Variants in OSBPL5 observed in about 807,000 individuals in gnomAD.
OSBPL5 encodes oxysterol-binding protein-related protein 5.
In OSBPL5, 71 loss-of-function variants were observed where a neutral mutation model predicts 111.2. The ratio of observed to expected loss-of-function variants is 0.64; its 90% CI spans 0.53 to 0.78. The LOEUF (loss-of-function observed/expected upper bound fraction) is 0.78. OSBPL5 is among the 30% of genes least tolerant of loss of function. OSBPL5 has a pLI of 0.00. For synonymous variants in OSBPL5, 549 were observed against 513.9 expected (o/e 1.07, Z -0.93); for missense variants, 1,210 against 1,189.3 (o/e 1.02, Z -0.26).
At position 3,107,849 on chromosome 11, in the gene OSBPL5, G is replaced by A. The variant is rs746282367; in HGVS notation, c.788C>T (p.Thr263Ile). ...CGATGAGGGTGATGCGTCTGGCGAG[G>A]TCCCTGGCTCCCCGTCTCGGCCCGG... is the stretch of plus-strand genomic sequence containing the variant. ...CKPGRDGEPG[T>I]SPDASPSSLC... is the part of the protein sequence containing the mutation. The change falls in exon 8 of 22, where the codon ACC (threonine) becomes ATC (isoleucine). Residue 263 changes from threonine to isoleucine, a missense_variant. Thr to Ile is a moderately conservative substitution (Grantham distance 89). Coordinates refer to ENST00000263650, the MANE Select transcript of OSBPL5 (RefSeq NM_020896.4). This position sits in a 1 kb window ranked among gnomAD's most constrained non-coding sequence, Gnocchi z 6.1. The A allele has an allele frequency of 1.9e-6, 3 of 1,611,162 alleles. No individual in the cohort carries two copies. In the African/African-American group the frequency reaches 4.0e-5, roughly 22 times the overall value.
chr11:3,088,239 G>C lies in OSBPL5; in HGVS notation c.2606C>G (p.Ala869Gly). ...RSWFLLCVFL[A>G]CQLFINHILK ...GATGTGGTTAATGAACAGCTGACACGCCAGGAACACGCAGAGCAGGAACCA... is the reference window on the plus strand; with the variant it reads ...GATGTGGTTAATGAACAGCTGACACCCCAGGAACACGCAGAGCAGGAACCA... The change falls in exon 22 of 22, where the codon GCG (alanine) becomes GGG (glycine). Residue 869 changes from alanine (A) to glycine (G), a missense_variant. Transcript: ENST00000263650. 1 of 1,604,670 alleles carries C rather than the reference G, an allele frequency of 6.2e-7. No homozygotes were observed. The highest frequency in any genetic ancestry group is 8.5e-7 in the Non-Finnish European group (1 of 1,175,420).
chr11:3,093,411 C>T (rs1282252234), intron 17 of OSBPL5, 116 bp downstream of exon 17: 5 of 1,467,316 alleles, frequency 3.4e-6, no homozygotes, highest in Non-Finnish European at 2.7e-6. Context: ...CCAGGCCTGC[C>T]CTCCCTGCCA....
At chr11:3,163,097 C>T (rs1042915565) in intron 1 of OSBPL5, among the ~76,000 whole-genome samples, 1 of 152,228 alleles carries the variant, frequency 6.6e-6, no homozygotes, top group Non-Finnish European at 1.5e-5. Context: ...CCCTCTACAA[C>T]CCCCTGTCCC....
At position 3,142,493 on chromosome 11, in the gene OSBPL5, T is replaced by A. The variant is rs1246349078; in HGVS notation, c.-21-13324A>T. 6.6e-6 allele frequency among the ~76,000 whole-genome samples: 1 copy of A among 152,034 alleles called. No individual in the cohort carries two copies. Among genetic ancestry groups the A allele is most frequent in the Non-Finnish European group, 1.5e-5 (1 of 67,998 alleles). The stretch of plus-strand genomic sequence containing the variant: ...ACTCGCTGCTCCGTGTCCCAGGAGG[T>A]CAGATTTCACCCGGATGCTTAGCTC... On this transcript the variant is annotated intron_variant, in intron 1 of 21. Coordinates refer to ENST00000263650, the MANE Select transcript of OSBPL5 (RefSeq NM_020896.4). The surrounding 1 kb of genome is among the most constrained non-coding windows in gnomAD (Gnocchi z 7.1).
chr11:3,152,885 C>T (rs1384096976), intron 1 of OSBPL5, among the ~76,000 whole-genome samples: 7 of 152,278 alleles, frequency 4.6e-5, no homozygotes, highest in Middle Eastern at 3.4e-3. Context: ...ATTCATGCCT[C>T]GCTGGTACTT....
intron 7 of OSBPL5, 24 bp downstream of exon 7, chr11:3,119,523 A>G: frequency 1.3e-6 from 2 of 1,560,446 alleles, no homozygotes; most frequent in South Asian, 2.4e-5. Flanking sequence ...CACTGGGGAG[A>G]TGCGCAAGCT....
intron 1 of OSBPL5, among the ~76,000 whole-genome samples, chr11:3,153,092 G>C (rs978078708): frequency 6.6e-6 from 1 of 152,058 alleles, no homozygotes; most frequent in African/African-American, 2.4e-5. Flanking sequence ...GGCGCCAGGG[G>C]GTCCCGGCTA....
intron 7 of OSBPL5, among the ~76,000 whole-genome samples, chr11:3,118,942 G>A (rs567996279): frequency 1.3e-5 from 2 of 151,966 alleles, no homozygotes; most frequent in South Asian, 4.2e-4. Flanking sequence ...TGTGGTTGGA[G>A]CTCAGTAATT....
chr11:3,150,611 A>T (rs547411335), intron 1 of OSBPL5, among the ~76,000 whole-genome samples: 137 of 152,134 alleles, frequency 9.0e-4, no homozygotes, highest in Admixed American at 1.8e-3. Context: ...GTGAGAGCTC[A>T]CTGGAGAAAC....
At chr11:3,120,315 C>T in intron 6 of OSBPL5, 106 bp downstream of exon 6, 2 of 1,416,350 alleles carry the variant, frequency 1.4e-6, no homozygotes, top group Non-Finnish European at 1.9e-6. Context: ...GCTCAAGGCC[C>T]CAAGGGGGCC....
At chr11:3,094,155 G>T (rs1485271397) in intron 15 of OSBPL5, 82 bp downstream of exon 15, 12 of 1,355,688 alleles carry the variant, frequency 8.9e-6, no homozygotes, top group Non-Finnish European at 1.2e-5. Context: ...CCTTCCTTGG[G>T]GCCTGGGGAG....
chr11:3,129,018 C>T lies in OSBPL5; in HGVS notation c.131G>A (p.Ser44Asn), dbSNP rs1246056355. The change falls in exon 2 of 22, where the codon AGC becomes AAC. Residue 44 changes from serine to asparagine, a missense_variant. Transcript: ENST00000263650. ...LSGDNELYPL[S>N]PGKDMEPNGP... ...TGCCCACGGCCGGCACTTACCTGGG[C>T]TGAGTGGGTAGAGCTCATTGTCTCC... The T allele has an allele frequency of 1.9e-6, 3 of 1,576,374 alleles. No homozygotes were observed. The highest frequency in any genetic ancestry group is 1.8e-5 in the Admixed American group (1 of 54,962).
rs1401145846 is a variant in OSBPL5 at position 3,092,574 on chromosome 11, G to T, written c.2133-16C>A. 8 of 1,574,580 alleles carry T rather than the reference G, an allele frequency of 5.1e-6. No homozygotes were observed. Among genetic ancestry groups the T allele is most frequent in the Non-Finnish European group, 6.9e-6 (8 of 1,158,544 alleles). ...GGGGCTGTGGCTGGAGGGTCCAGAG[G>T]GCGTTCATCAGCACAGGCAGTGGCC... On this transcript the variant is annotated splice_polypyrimidine_tract_variant and intron_variant, in intron 18 of 21. Coordinates refer to ENST00000263650, the MANE Select transcript of OSBPL5 (RefSeq NM_020896.4). This position sits in a 1 kb window ranked among gnomAD's most constrained non-coding sequence, Gnocchi z 5.4.
At chr11:3,118,058 G>A (rs1051364849) in intron 7 of OSBPL5, among the ~76,000 whole-genome samples, 1 of 152,350 alleles carries the variant, frequency 6.6e-6, no homozygotes. Flanking sequence ...GGACCTACCT[G>A]TGTAGGAATA....
intron 1 of OSBPL5, among the ~76,000 whole-genome samples, chr11:3,136,356 GCCT>G (rs1845947935): frequency 2.0e-5 from 3 of 152,244 alleles, no homozygotes; most frequent in African/African-American, 7.2e-5. Flanking sequence ...GGTCACTGGC[GCCT>G]CCTCAGGCCA....
rs547746653 is a variant in OSBPL5 at position 3,162,239 on chromosome 11, G to A, written c.-22+2977C>T. Among the ~76,000 whole-genome samples the A allele has an allele frequency of 3.9e-5, 6 of 152,314 alleles. No individual in the cohort carries two copies. The South Asian group carries it at 1.2e-3, about 32-fold the overall frequency. ...TCCAGGCAAGAGCTGGTAGGGCCAGGAGGGGAGTGGAGGCCAGCCCTGGAG... is the reference window on the plus strand; with the variant it reads ...TCCAGGCAAGAGCTGGTAGGGCCAGAAGGGGAGTGGAGGCCAGCCCTGGAG... On this transcript the variant is annotated intron_variant, in intron 1 of 21. Transcript: ENST00000263650. This position sits in a 1 kb window ranked among gnomAD's most constrained non-coding sequence, Gnocchi z 8.1.
intron 19 of OSBPL5, 35 bp from the exon 20 acceptor site, chr11:3,090,731 AC>A (rs762104524): frequency 6.3e-7 from 1 of 1,583,706 alleles, no homozygotes; most frequent in South Asian, 1.1e-5. Flanking sequence ...GCTGAAAGCC[AC>A]CCACGCCCCC....
In OSBPL5 at chr11:3,093,612, A is replaced by C. The variant is rs962092429; in HGVS notation, c.1861T>G (p.Trp621Gly). 1 of 1,613,060 alleles carries C rather than the reference A, an allele frequency of 6.2e-7. No homozygotes were observed. Among genetic ancestry groups the C allele is most frequent in the Non-Finnish European group, 8.5e-7 (1 of 1,179,978 alleles). Residue 621 changes from tryptophan (W) to glycine (G), a missense_variant, in exon 17 of 22, where the codon TGG becomes GGG. Coordinates refer to ENST00000263650, the MANE Select transcript of OSBPL5 (RefSeq NM_020896.4). ...EEGSGSSALFWTPSGEVRRQR... is the reference protein window; with the variant it reads ...EEGSGSSALFGTPSGEVRRQR... Reference sequence around the variant, plus strand: ...CTGCGGACCTCCCCGCTCGGGGTCCAGAAAAGCGCACTGCTTCCGCTCCCT... The same window carrying C: ...CTGCGGACCTCCCCGCTCGGGGTCCCGAAAAGCGCACTGCTTCCGCTCCCT...
intron 21 of OSBPL5, 148 bp from the exon 22 acceptor site, chr11:3,088,491 G>A (rs561744682): frequency 3.4e-5 from 32 of 936,216 alleles, no homozygotes; most frequent in African/African-American, 1.0e-4. Flanking sequence ...GCAACAGAGC[G>A]GGTGGGGGTG....
Sources: allele counts gnomAD v4.1 joint callset (sites outside exome capture counted in the v4.1 genomes callset), GRCh38; gene constraint gnomAD v4.1.1; non-coding constraint Gnocchi (gnomAD v3.1); transcripts MANE v1.5; gene names NCBI Gene and HGNC (gene_info 2026-07-23, HGNC 2026-07-21).